KCNN2: variants seen among roughly 807,000 people sequenced by gnomAD.
The protein encoded by KCNN2 is potassium calcium-activated channel subfamily N member 2.
Under a neutral mutation model 55.5 loss-of-function variants are expected in KCNN2, and 24 were observed. The observed-to-expected ratio is 0.43, with a 90% confidence interval of 0.31 to 0.61. The LOEUF is 0.61. Ranked by LOEUF, KCNN2 falls within the 20% of genes least tolerant of loss-of-function variation. The pLI is 0.08. For synonymous variants in KCNN2, 431 were observed against 336.1 expected (o/e 1.28, Z -3.09); for missense variants, 754 against 853.6 (o/e 0.88, Z 1.45).
chr5:114,103,423 C>T (rs892506676), intron 1 of KCNN2, among the ~76,000 whole-genome samples: 3 of 152,124 alleles, frequency 2.0e-5, no homozygotes, highest in Non-Finnish European at 4.4e-5. Flanking sequence ...TTATTTCTTT[C>T]TCTTGCCTGA....
intron 1 of KCNN2, among the ~76,000 whole-genome samples, chr5:114,180,578 A>G (rs1365957999): frequency 6.6e-6 from 1 of 152,138 alleles, no homozygotes; most frequent in African/African-American, 2.4e-5. Context: ...ATTATCTATT[A>G]TTATATTAAT....
intron 1 of KCNN2, among the ~76,000 whole-genome samples, chr5:114,091,727 C>T (rs1012275752): frequency 1.3e-5 from 2 of 152,104 alleles, no homozygotes; most frequent in Non-Finnish European, 2.9e-5. Flanking sequence ...ACCTTCTTCA[C>T]GAGGTGGCAG....
intron 3 of KCNN2, among the ~76,000 whole-genome samples, chr5:114,416,754 T>A (rs565278976): frequency 7.9e-5 from 12 of 152,334 alleles, no homozygotes; most frequent in African/African-American, 2.6e-4. Context: ...AGATATAATT[T>A]AAAAATAAGA....
At chr5:114,076,208 C>G (rs1036298127) in intron 1 of KCNN2, among the ~76,000 whole-genome samples, 1 of 152,232 alleles carries the variant, frequency 6.6e-6, no homozygotes, top group Admixed American at 6.5e-5. Context: ...CCCTCCTCCT[C>G]TTTGGCTCAG....
intron 2 of KCNN2, among the ~76,000 whole-genome samples, chr5:114,355,577 G>A (rs1044909113): frequency 1.1e-4 from 17 of 152,072 alleles, no homozygotes; most frequent in African/African-American, 2.7e-4. Flanking sequence ...TCCTTGTGGC[G>A]TGCAGCCTGG....
chr5:114,110,184 C>T (rs780087957), intron 1 of KCNN2, among the ~76,000 whole-genome samples: 8 of 151,946 alleles, frequency 5.3e-5, no homozygotes, highest in Admixed American at 4.6e-4. Context: ...TATAAATTAC[C>T]CAGTCTGAGA....
intron 3 of KCNN2, among the ~76,000 whole-genome samples, chr5:114,447,712 C>T (rs192203221): frequency 5.9e-5 from 9 of 152,284 alleles, no homozygotes; most frequent in Admixed American, 5.9e-4. Flanking sequence ...TTTAGTGAGC[C>T]AGAATTGTGA....
intron 3 of KCNN2, among the ~76,000 whole-genome samples, chr5:114,412,341 C>G (rs1759162179): frequency 6.6e-6 from 1 of 152,144 alleles, no homozygotes; most frequent in East Asian, 1.9e-4. Context: ...CTTTTAATAA[C>G]TTAATCTGTT....
chr5:114,386,894 G>A (rs903753147), intron 2 of KCNN2, among the ~76,000 whole-genome samples: 4 of 152,122 alleles, frequency 2.6e-5, no homozygotes, highest in Non-Finnish European at 5.9e-5. Context: ...TCCTTAAGAC[G>A]TATGTAGATT....
intron 3 of KCNN2, among the ~76,000 whole-genome samples, chr5:114,414,288 T>G (rs1759228496): frequency 6.6e-6 from 1 of 152,192 alleles, no homozygotes; most frequent in Non-Finnish European, 1.5e-5. Context: ...TTTTATAACC[T>G]TAGTCCATGT....
intron 2 of KCNN2, among the ~76,000 whole-genome samples, chr5:114,226,676 G>A (rs1280783683): frequency 6.6e-6 from 1 of 152,080 alleles, no homozygotes; most frequent in Non-Finnish European, 1.5e-5. Context: ...GATGAGGCAG[G>A]CGGATCACAA....
intron 1 of KCNN2, among the ~76,000 whole-genome samples, chr5:114,114,590 A>C (rs1751675682): frequency 6.6e-6 from 1 of 152,082 alleles, no homozygotes; most frequent in Non-Finnish European, 1.5e-5. Flanking sequence ...AGAAAATGAA[A>C]TAAACAATGA....
chr5:114,365,889 C>A (rs945996946), intron 2 of KCNN2, among the ~76,000 whole-genome samples: 9 of 148,788 alleles, frequency 6.0e-5, no homozygotes, highest in South Asian at 2.3e-4. Flanking sequence ...ATTGCCTGTT[C>A]CTTGTGAAAA....
intron 1 of KCNN2, among the ~76,000 whole-genome samples, chr5:114,202,601 T>TTC (rs70976320): frequency 3.5e-4 from 50 of 141,094 alleles, no homozygotes; most frequent in African/African-American, 1.2e-3. Context: ...TTTTTTTTTT[T>TTC]CCCGAGACAG....
chr5:114,145,286 A>G (rs1752375190), intron 1 of KCNN2, among the ~76,000 whole-genome samples: 1 of 152,232 alleles, frequency 6.6e-6, no homozygotes, highest in Admixed American at 6.5e-5. Flanking sequence ...CCCAATCAAC[A>G]ATGGTATAGT....
intron 2 of KCNN2, among the ~76,000 whole-genome samples, chr5:114,351,054 A>G (rs973463892): frequency 4.0e-5 from 6 of 151,842 alleles, no homozygotes; most frequent in Non-Finnish European, 8.9e-5. Context: ...GACTCTTGCC[A>G]TTTTAACAAT....
intron 2 of KCNN2, among the ~76,000 whole-genome samples, chr5:114,231,441 C>T (rs917178385): frequency 7.5e-5 from 11 of 147,528 alleles, no homozygotes; most frequent in Admixed American, 6.0e-4. Context: ...GTCTTTAATC[C>T]ATCTTGAATT....
At chr5:114,464,537 A>G (rs1761351871) in intron 4 of KCNN2, among the ~76,000 whole-genome samples, 1 of 152,204 alleles carries the variant, frequency 6.6e-6, no homozygotes, top group Non-Finnish European at 1.5e-5. Context: ...CCTTTGCAGA[A>G]GCTGCCTGGG....
At chr5:114,278,613 G>A (rs1755543590) in intron 2 of KCNN2, among the ~76,000 whole-genome samples, 1 of 152,194 alleles carries the variant, frequency 6.6e-6, no homozygotes, top group African/African-American at 2.4e-5. Context: ...AGCATCCCAG[G>A]TCCATCTCAG....
Sources: gnomAD v4.1 joint callset for allele counts (sites outside exome capture counted in the v4.1 genomes callset) on GRCh38, gnomAD v4.1.1 for gene constraint, MANE v1.5 for transcripts, NCBI Gene and HGNC (gene_info 2026-07-23, HGNC 2026-07-21) for gene names.